Variants in FAM227B observed in about 807,000 individuals in gnomAD.
The protein encoded by FAM227B is protein FAM227B.
Under a neutral mutation model 73.8 loss-of-function variants are expected in FAM227B, and 88 were observed. That is an observed-to-expected ratio of 1.19 (90% CI 1.00 to 1.42). The LOEUF (loss-of-function observed/expected upper bound fraction) is 1.42. Ranked by LOEUF, FAM227B falls within the 40% of genes most tolerant of loss-of-function variation. The pLI is 0.00. For synonymous variants in FAM227B, 210 were observed against 190.5 expected (o/e 1.10, Z -0.84); for missense variants, 632 against 590.9 (o/e 1.07, Z -0.72).
chr15:49,445,432 A>AT (rs1256390340), intron 11 of FAM227B, among the ~76,000 whole-genome samples: 1 of 151,442 alleles, frequency 6.6e-6, no homozygotes, highest in Non-Finnish European at 1.5e-5. Flanking sequence ...CTCTCTAGAC[A>AT]TTTTTCCCAC....
intron 9 of FAM227B, among the ~76,000 whole-genome samples, chr15:49,549,072 A>T (rs1251436854): frequency 3.3e-5 from 5 of 151,782 alleles, no homozygotes; most frequent in African/African-American, 1.2e-4. Flanking sequence ...TTGCTTTTCT[A>T]ATTCTTTAAG....
intron 13 of FAM227B, among the ~76,000 whole-genome samples, chr15:49,348,773 G>C: frequency 6.6e-6 from 1 of 152,136 alleles, no homozygotes; most frequent in South Asian, 2.1e-4. Context: ...TTTTCCACCT[G>C]ATTTTATTGA....
chr15:49,615,377 T>C (rs1399354247), intron 1 of FAM227B, 134 bp from the exon 2 acceptor site: 2 of 582,462 alleles, frequency 3.4e-6, no homozygotes, highest in Middle Eastern at 3.2e-4. Flanking sequence ...TCAAATCTCA[T>C]GTTGAACTGT....
chr15:49,469,709 AG>A (rs1437981685), intron 11 of FAM227B, among the ~76,000 whole-genome samples: 3 of 152,290 alleles, frequency 2.0e-5, no homozygotes, highest in African/African-American at 7.2e-5. Context: ...AGCAGTTGTC[AG>A]AGAATGAAAT....
At chr15:49,557,934 GC>G (rs1195958691) in intron 9 of FAM227B, among the ~76,000 whole-genome samples, 1 of 152,166 alleles carries the variant, frequency 6.6e-6, no homozygotes, top group Non-Finnish European at 1.5e-5. Flanking sequence ...CAGCCAGACT[GC>G]CCCACTGCTC....
chr15:49,461,458 C>A (rs901795016), intron 11 of FAM227B, among the ~76,000 whole-genome samples: 1 of 152,208 alleles, frequency 6.6e-6, no homozygotes, highest in Non-Finnish European at 1.5e-5. Flanking sequence ...GACATCATGT[C>A]TATTTTTCAA....
At chr15:49,536,255 T>C (rs577346354) in intron 10 of FAM227B, among the ~76,000 whole-genome samples, 1 of 151,846 alleles carries the variant, frequency 6.6e-6, no homozygotes, top group Non-Finnish European at 1.5e-5. Flanking sequence ...CAATATACAA[T>C]AACCAATTAC....
At chr15:49,375,804 T>C (rs181406896) in intron 11 of FAM227B, among the ~76,000 whole-genome samples, 107 of 152,256 alleles carry the variant, frequency 7.0e-4, no homozygotes, top group African/African-American at 2.5e-3. Context: ...TTTAGGATGA[T>C]ATAAAATTGA....
At chr15:49,471,885 A>T (rs180745960) in intron 11 of FAM227B, among the ~76,000 whole-genome samples, 1 of 152,358 alleles carries the variant, frequency 6.6e-6, no homozygotes, top group African/African-American at 2.4e-5. Flanking sequence ...TGACACATGC[A>T]GGAATAAATG....
At chr15:49,483,995 T>C (rs1035858392) in intron 11 of FAM227B, among the ~76,000 whole-genome samples, 21 of 152,034 alleles carry the variant, frequency 1.4e-4, no homozygotes, top group African/African-American at 5.1e-4. Flanking sequence ...TGGGAATAAG[T>C]AATATGAGGC....
At position 49,615,250 on chromosome 15, in the gene FAM227B, T is replaced by G; in HGVS notation, c.-72-7A>C. 1 of 1,197,794 alleles carries G rather than the reference T, an allele frequency of 8.3e-7. No homozygotes were observed. The highest frequency in any genetic ancestry group is 1.2e-5 in the South Asian group (1 of 82,652). 74.2% of individuals were successfully genotyped at this position (1,197,794 alleles called of 1,614,324 possible). A position where few individuals can be genotyped will look rare whatever the true frequency, so the allele number is the denominator to read the frequency against. ...TGTGAGTTGGGCGACCAAACTGGGG[T>G]ATGAAAGACACCCAAATGCAAAAAT... On this transcript the variant is annotated splice_polypyrimidine_tract_variant and splice_region_variant and intron_variant, in intron 1 of 15. Transcript: ENST00000299338.
At chr15:49,570,500 AATT>A (rs1470908316) in intron 8 of FAM227B, among the ~76,000 whole-genome samples, 2 of 151,718 alleles carry the variant, frequency 1.3e-5, no homozygotes, top group African/African-American at 2.4e-5. Flanking sequence ...AATTTTATCA[AATT>A]ATTTTATCAA....
chr15:49,356,254 G>A (rs1449459577), intron 13 of FAM227B, among the ~76,000 whole-genome samples: 2 of 151,618 alleles, frequency 1.3e-5, no homozygotes, highest in South Asian at 2.1e-4. Context: ...AAATGTAAAT[G>A]GACTAAATGC....
chr15:49,597,086 A>G (rs945736201), intron 3 of FAM227B, among the ~76,000 whole-genome samples: 22 of 152,130 alleles, frequency 1.4e-4, no homozygotes, highest in Admixed American at 9.2e-4. Flanking sequence ...TCAACAAAGA[A>G]ATTATGGACT....
chr15:49,328,600 C>CTGTTGATGATGG lies in FAM227B; in HGVS notation c.1483_1494dup (p.Pro495_Thr498dup). On this transcript the variant is annotated inframe_insertion, in exon 16 of 16. Transcript: ENST00000299338. ...TCTTCTTCCTCAAAGTTGTAGTTGT[C>CTGTTGATGATGG]TGTTGATGATGGTGATGATGATGAT... 6.3e-7 allele frequency: 1 copy of CTGTTGATGATGG among 1,595,558 alleles called. No individual in the cohort carries two copies. Among genetic ancestry groups the CTGTTGATGATGG allele is most frequent in the South Asian group, 1.1e-5 (1 of 89,150 alleles).
chr15:49,612,439 G>A (rs1440567386), intron 2 of FAM227B, among the ~76,000 whole-genome samples: 1 of 152,068 alleles, frequency 6.6e-6, no homozygotes, highest in East Asian at 1.9e-4. Context: ...TTTTATGGCT[G>A]CATAGTATTC....
intron 11 of FAM227B, among the ~76,000 whole-genome samples, chr15:49,464,573 T>C (rs2054096461): frequency 6.6e-6 from 1 of 152,208 alleles, no homozygotes. Context: ...TTTAATGTAT[T>C]GAATTTTGTA....
chr15:49,609,796 A>G (rs543972973), intron 3 of FAM227B, among the ~76,000 whole-genome samples: 3 of 152,126 alleles, frequency 2.0e-5, no homozygotes, highest in East Asian at 3.9e-4. Context: ...ACCATAAAAA[A>G]TAACTACAGA....
chr15:49,433,727 G>A (rs2050829911), intron 11 of FAM227B, among the ~76,000 whole-genome samples: 1 of 151,634 alleles, frequency 6.6e-6, no homozygotes, highest in African/African-American at 2.4e-5. Flanking sequence ...AAGGTTGATT[G>A]GCAGGGCATA....
Sources: gnomAD v4.1 joint callset for allele counts (sites outside exome capture counted in the v4.1 genomes callset) on GRCh38, gnomAD v4.1.1 for gene constraint, MANE v1.5 for transcripts, NCBI Gene and HGNC (gene_info 2026-07-23, HGNC 2026-07-21) for gene names.